The following NEGR1 variants were observed in gnomAD, a reference collection of about 807,000 sequenced individuals.
NEGR1 encodes neuronal growth regulator 1, also known as IgLON family member 4.
In NEGR1, 10 loss-of-function variants were observed where a neutral mutation model predicts 40.9. The ratio of observed to expected loss-of-function variants is 0.24; its 90% CI spans 0.15 to 0.42. The LOEUF is 0.42. NEGR1 is among the 10% of genes least tolerant of loss of function. The probability of loss-of-function intolerance (pLI) is 1.00; values close to 1 mark genes in which losing one functional copy is unlikely to be tolerated. For synonymous variants in NEGR1, 185 were observed against 166.8 expected (o/e 1.11, Z -0.84); for missense variants, 352 against 438.9 (o/e 0.80, Z 1.77).
At chr1:72,149,681 G>A (rs569538370) in intron 1 of NEGR1, among the ~76,000 whole-genome samples, 32 of 151,730 alleles carry the variant, frequency 2.1e-4, no homozygotes, top group African/African-American at 6.8e-4. Flanking sequence ...TCGGGAGTTC[G>A]AGACCAGACT....
intron 6 of NEGR1, among the ~76,000 whole-genome samples, chr1:71,548,650 T>C (rs958613693): frequency 6.6e-6 from 1 of 151,704 alleles, no homozygotes; most frequent in Non-Finnish European, 1.5e-5. Context: ...TAGCAGATTG[T>C]TAAAACATGC....
chr1:71,747,427 C>CT lies in NEGR1; in HGVS notation c.535+28744dup, dbSNP rs56846032. On this transcript the variant is annotated intron_variant, in intron 3 of 6. Coordinates refer to ENST00000357731, the MANE Select transcript of NEGR1 (RefSeq NM_173808.3). Reference sequence around the variant, plus strand: ...GCCATGTGGTGAAAACTTCTTACATCTTTTTTTTTTTTTTTCAGACAGAGT... The same window carrying CT: ...GCCATGTGGTGAAAACTTCTTACATCTTTTTTTTTTTTTTTTCAGACAGAGT... Among the ~76,000 whole-genome samples the CT allele has an allele frequency of 4.4e-3, 620 of 141,716 alleles. 5 individuals are homozygous for CT. Among genetic ancestry groups the CT allele is most frequent in the South Asian group, 0.026 (113 of 4,374 alleles). 93.0% of individuals were successfully genotyped at this position (141,716 alleles called of 152,430 possible).
chr1:71,496,763 T>G (rs1286155190), intron 6 of NEGR1, among the ~76,000 whole-genome samples: 1 of 152,104 alleles, frequency 6.6e-6, no homozygotes, highest in Non-Finnish European at 1.5e-5. Context: ...CTGGGGGATG[T>G]GCAATAGATC....
At chr1:71,742,522 T>A (rs913590034) in intron 3 of NEGR1, among the ~76,000 whole-genome samples, 1 of 151,784 alleles carries the variant, frequency 6.6e-6, no homozygotes, top group Non-Finnish European at 1.5e-5. Context: ...TCTCATGAAG[T>A]TTACATGCTA....
At chr1:72,049,451 A>G (rs549637376) in intron 1 of NEGR1, among the ~76,000 whole-genome samples, 1 of 151,816 alleles carries the variant, frequency 6.6e-6, no homozygotes, top group East Asian at 1.9e-4. Flanking sequence ...AGATATTTCA[A>G]TGACCACAAG....
At chr1:71,804,160 C>G (rs1657667543) in intron 2 of NEGR1, among the ~76,000 whole-genome samples, 1 of 152,018 alleles carries the variant, frequency 6.6e-6, no homozygotes, top group South Asian at 2.1e-4. Flanking sequence ...AGTTGGTATT[C>G]TATGTAATAT....
At chr1:71,700,223 C>T (rs1653641415) in intron 3 of NEGR1, among the ~76,000 whole-genome samples, 1 of 151,816 alleles carries the variant, frequency 6.6e-6, no homozygotes, top group South Asian at 2.1e-4. Flanking sequence ...TAACCTTAAA[C>T]TTATGAGGTA....
chr1:71,470,385 A>G (rs1646774414), intron 6 of NEGR1, among the ~76,000 whole-genome samples: 1 of 152,150 alleles, frequency 6.6e-6, no homozygotes, highest in Non-Finnish European at 1.5e-5. Flanking sequence ...TGTGAATGAC[A>G]TGAAACGCTA....
chr1:72,164,104 GA>G (rs1651688417), intron 1 of NEGR1, among the ~76,000 whole-genome samples: 2 of 151,708 alleles, frequency 1.3e-5, no homozygotes, highest in African/African-American at 2.4e-5. Context: ...AGGTCACTGA[GA>G]AAAGTATGCA....
chr1:72,163,729 A>AATAGATAGATAG (rs756796363), intron 1 of NEGR1, among the ~76,000 whole-genome samples: 69 of 60,340 alleles, frequency 1.1e-3, no homozygotes, highest in Non-Finnish European at 1.8e-3. Flanking sequence ...ACAGATATCT[A>AATAGATAGATAG]ATAGATAGAT....
At position 71,813,647 on chromosome 1, in the gene NEGR1, AC is replaced by A. The variant is rs531142595; in HGVS notation, c.410-37351del. Among the ~76,000 whole-genome samples, 37 of 152,088 alleles carry A rather than the reference AC, an allele frequency of 2.4e-4. 1 individual carries two copies. The highest frequency in any genetic ancestry group is 9.8e-4 in the Admixed American group (15 of 15,268). On this transcript the variant is annotated intron_variant, in intron 2 of 6. Coordinates refer to ENST00000357731, the MANE Select transcript of NEGR1 (RefSeq NM_173808.3). ...GTAGTTCTCCTTGCAGAGGTCCTTC[AC>A]TTCTCTTATTAGCTGTATTGCTAGG...
At chr1:71,864,661 C>T (rs1389431863) in intron 2 of NEGR1, among the ~76,000 whole-genome samples, 1 of 151,988 alleles carries the variant, frequency 6.6e-6, no homozygotes, top group African/African-American at 2.4e-5. Context: ...AAAAGGGCAA[C>T]ACAAGACAGG....
intron 1 of NEGR1, among the ~76,000 whole-genome samples, chr1:71,998,249 T>G (rs1570592976): frequency 2.6e-5 from 4 of 151,930 alleles, no homozygotes; most frequent in South Asian, 2.1e-4. Context: ...AAATAATGCA[T>G]GTAAAGTGAT....
In NEGR1 at chr1:71,838,465, C is replaced by T. The variant is rs557809651; in HGVS notation, c.410-62168G>A. The stretch of plus-strand genomic sequence containing the variant: ...AGGGAAAATCACTACTCGTGCCAAG[C>T]AAAGAACTCCTAGCTTTGACTAAGG... On this transcript the variant is annotated intron_variant, in intron 2 of 6. Coordinates refer to ENST00000357731, the MANE Select transcript of NEGR1 (RefSeq NM_173808.3). Among the ~76,000 whole-genome samples, 46 of 152,036 alleles carry T rather than the reference C, an allele frequency of 3.0e-4. 1 individual carries two copies. Among genetic ancestry groups the T allele is most frequent in the Non-Finnish European group, 5.7e-4 (39 of 67,998 alleles).
intron 1 of NEGR1, among the ~76,000 whole-genome samples, chr1:72,183,253 T>C (rs1652457636): frequency 6.6e-6 from 1 of 152,112 alleles, no homozygotes. Flanking sequence ...CACAGTATCT[T>C]TGCCAAGGCC....
chr1:71,867,525 A>G (rs1235028575), intron 2 of NEGR1, among the ~76,000 whole-genome samples: 1 of 152,232 alleles, frequency 6.6e-6, no homozygotes, highest in Non-Finnish European at 1.5e-5. Context: ...TTGTCTTACA[A>G]TATTTAAAAA....
intron 1 of NEGR1, among the ~76,000 whole-genome samples, chr1:72,081,137 G>C (rs990617804): frequency 6.6e-6 from 1 of 152,078 alleles, no homozygotes; most frequent in Non-Finnish European, 1.5e-5. Context: ...AACAGAGGCA[G>C]GACTTGGGCT....
chr1:72,246,807 A>G (rs1356343071), intron 1 of NEGR1, among the ~76,000 whole-genome samples: 3 of 152,154 alleles, frequency 2.0e-5, no homozygotes, highest in East Asian at 1.9e-4. Flanking sequence ...GCAGCCATCT[A>G]TGAGGGCTCT....
At chr1:71,543,713 G>T (rs900164541) in intron 6 of NEGR1, among the ~76,000 whole-genome samples, 1 of 151,608 alleles carries the variant, frequency 6.6e-6, no homozygotes, top group Non-Finnish European at 1.5e-5. Flanking sequence ...GCTTGGTCTA[G>T]ATCTTCTAGT....
Sources: allele counts gnomAD v4.1 joint callset (sites outside exome capture counted in the v4.1 genomes callset), GRCh38; gene constraint gnomAD v4.1.1; transcripts MANE v1.5; gene names NCBI Gene and HGNC (gene_info 2026-07-23, HGNC 2026-07-21).